Variants in CAMTA2 observed in about 807,000 individuals in gnomAD.
CAMTA2 encodes the protein calmodulin binding transcription activator 2.
CAMTA2 carries 56 observed loss-of-function variants against 135.7 expected under a neutral mutation model. That is an observed-to-expected ratio of 0.41 (90% CI 0.33 to 0.52). The LOEUF is 0.52. CAMTA2 is among the 20% of genes least tolerant of loss of function. The pLI is 0.16. For synonymous variants in CAMTA2, 591 were observed against 604.6 expected, an observed-to-expected ratio of 0.98 and a Z score of 0.33; for missense variants, 1,358 against 1,553.4, an observed-to-expected ratio of 0.87 and a Z score of 2.11.
At position 4,972,442 on chromosome 17, in the gene CAMTA2, AGG is replaced by A. The variant is rs745547658; in HGVS notation, c.2596_2597del (p.Pro866CysfsTer7). 2 of 1,611,406 alleles carry A rather than the reference AGG, an allele frequency of 1.2e-6. No homozygotes were observed. The highest frequency in any genetic ancestry group is 1.3e-5 in the African/African-American group (1 of 74,722). Reference protein sequence around the residue: ...YSSAPDGSPPPAPLPASEMTM... With the variant: ...YSSAPDGSPPXAPLPASEMTM... ...TCATCTCAGAGGCTGGCAGAGGTGC[AGG>A]GGGGGGACTGCCATCTGGGGCACTA... is the stretch of plus-strand genomic sequence containing the variant. On this transcript the variant is annotated frameshift_variant, in exon 16 of 23. Coordinates refer to ENST00000348066, the MANE Select transcript of CAMTA2 (RefSeq NM_015099.4). LOFTEE classifies it high-confidence loss of function.
intron 3 of CAMTA2, 119 bp from the exon 4 acceptor site, chr17:4,983,162 TTCTAGGTA>T (rs2143028406): frequency 1.2e-6 from 1 of 848,274 alleles, no homozygotes; most frequent in African/African-American, 1.7e-5. Flanking sequence ...TGGAGGATGC[TTCTAGGTA>T]TCTGGACCCA....
rs780826034 is a variant in CAMTA2, at chr17:4,969,782, C to G, written c.3190-81G>C. The stretch of plus-strand genomic sequence containing the variant: ...GTCCCTTCAACTTTCCTGGGGTTCC[C>G]CTGACCCTTTACCCCATCCAAGGCC... On this transcript the variant is annotated intron_variant, in intron 18 of 22. Coordinates refer to ENST00000348066, the MANE Select transcript of CAMTA2 (RefSeq NM_015099.4). This position sits in a 1 kb window ranked among gnomAD's most constrained non-coding sequence, Gnocchi z 5.6. 1.3e-6 allele frequency: 2 copies of G among 1,597,844 alleles called. No individual in the cohort carries two copies. The highest frequency in any genetic ancestry group is 1.7e-6 in the Non-Finnish European group (2 of 1,166,804).
At chr17:4,987,159 C>T (rs1973397350) in intron 1 of CAMTA2, 2 of 1,345,494 alleles carry the variant, frequency 1.5e-6, no homozygotes, top group Admixed American at 7.7e-5. Context: ...GGCTAGGCAG[C>T]CTGCCAGGGT....
chr17:4,985,182 G>A (rs572967250), intron 3 of CAMTA2, among the ~76,000 whole-genome samples: 21 of 151,882 alleles, frequency 1.4e-4, no homozygotes, highest in African/African-American at 2.2e-4. Flanking sequence ...GCGAGACTCC[G>A]TCTCAAAAAA....
intron 12 of CAMTA2, chr17:4,974,071 C>T: frequency 3.8e-6 from 2 of 531,946 alleles, no homozygotes; most frequent in Non-Finnish European, 3.4e-6. Flanking sequence ...GAGCCTTAGC[C>T]CTCTTCTTTC....
intron 12 of CAMTA2, chr17:4,974,051 A>G (rs961059494): frequency 1.5e-5 from 8 of 536,548 alleles, no homozygotes; most frequent in Admixed American, 6.9e-5. Flanking sequence ...CAGAAGCCAG[A>G]GCCTTCTCTG....
At chr17:4,970,868 A>G (rs1034376537) in intron 16 of CAMTA2, among the ~76,000 whole-genome samples, 1 of 152,168 alleles carries the variant, frequency 6.6e-6, no homozygotes, top group Non-Finnish European at 1.5e-5. Context: ...CATGCTCCCC[A>G]TAGGCTTGGC....
intron 16 of CAMTA2, 32 bp downstream of exon 16, chr17:4,972,200 A>G: frequency 6.4e-7 from 1 of 1,574,262 alleles, no homozygotes; most frequent in Non-Finnish European, 8.7e-7. Flanking sequence ...CTCCACTTCT[A>G]GCCCCCATAA....
chr17:4,973,693 T>A lies in CAMTA2; in HGVS notation c.2093A>T (p.Lys698Met). 1 of 1,614,226 alleles carries A rather than the reference T, an allele frequency of 6.2e-7. No individual in the cohort carries two copies. The highest frequency in any genetic ancestry group is 8.5e-7 in the Non-Finnish European group (1 of 1,180,034). Residue 698 changes from lysine to methionine, a missense_variant, in exon 13 of 23, where the codon AAG (lysine) becomes ATG (methionine). By Grantham distance (95) the Lys-to-Met change is moderately conservative (BLOSUM62 -1). This residue lies in a region of CAMTA2 where 1,077 missense variants were observed against 1,127.5 expected (regional missense o/e 0.96). Transcript: ENST00000348066. Reference sequence around the variant, plus strand: ...TCCATGGGCCAGACGTTCAGGACCCTTCCAGGTGGAGCGTGGGATCATGCT... The same window carrying A: ...TCCATGGGCCAGACGTTCAGGACCCATCCAGGTGGAGCGTGGGATCATGCT... ...VESMIPRSTW[K>M]GPERLAHGSP...
rs1972016622 is a variant in CAMTA2, at chr17:4,968,008, T to A, written c.*748A>T. 1 of 583,548 alleles carries A rather than the reference T, an allele frequency of 1.7e-6. No individual in the cohort carries two copies. The highest frequency in any genetic ancestry group is 3.1e-6 in the Non-Finnish European group (1 of 326,698). 36.1% of individuals were successfully genotyped at this position (583,548 alleles called of 1,614,324 possible). A position where few individuals can be genotyped will look rare whatever the true frequency, so the allele number is the denominator to read the frequency against. ...GGCCGGAGGCTGGCTGGTGCAGCGA[T>A]GTTTAATGGCAATTCGTATAAACCA... On this transcript the variant is annotated 3_prime_UTR_variant, in exon 23 of 23. Coordinates refer to ENST00000348066, the MANE Select transcript of CAMTA2 (RefSeq NM_015099.4).
At chr17:4,970,287 C>T (rs1014383393) in intron 17 of CAMTA2, 53 bp downstream of exon 17, 3 of 1,592,106 alleles carry the variant, frequency 1.9e-6, no homozygotes, top group Admixed American at 3.3e-5. Flanking sequence ...AGCTTTCTCC[C>T]TTCCTCCCAT....
At position 4,980,097 on chromosome 17, in the gene CAMTA2, G is replaced by C; in HGVS notation, c.1225C>G (p.Pro409Ala). ...DFPEAEAAHT[P>A]CSALEPAAAL... ...GCAGCAGGCTCTAGGGCAGAACAGG[G>C]GGTATGAGCGGCCTCTGCCTCGGGG... is the stretch of plus-strand genomic sequence containing the variant. Residue 409 changes from proline to alanine, a missense_variant, in exon 9 of 23, where the codon CCC (proline) becomes GCC (alanine). Physicochemically the swap from Pro to Ala is conservative, Grantham distance 27 (BLOSUM62 -1). Transcript: ENST00000348066. This position sits in a 1 kb window ranked among gnomAD's most constrained non-coding sequence, Gnocchi z 5.3. 2 of 1,611,964 alleles carry C rather than the reference G, an allele frequency of 1.2e-6. No homozygotes were observed. The highest frequency in any genetic ancestry group is 1.7e-6 in the Non-Finnish European group (2 of 1,178,642).
In CAMTA2 at chr17:4,980,500, T is replaced by C. The variant is rs201322261; in HGVS notation, c.822A>G (p.Pro274=). The change falls in exon 9 of 23, where the codon CCA becomes CCG. Residue 274 remains proline (P), a synonymous_variant. Coordinates refer to ENST00000348066, the MANE Select transcript of CAMTA2 (RefSeq NM_015099.4). This position sits in a 1 kb window ranked among gnomAD's most constrained non-coding sequence, Gnocchi z 5.3. The part of the protein sequence containing the change: ...IPHAHPPEPP[P]LIAPLPPELP... ...GCTCTGGGGGAAGTGGGGCTATCAG[T>C]GGAGGAGGCTCTGGGGGGTGAGCGT... The C allele has an allele frequency of 3.1e-4, 432 of 1,386,554 alleles. 6 individuals are homozygous for C. The Admixed American group carries it at 9.5e-3, about 30-fold the overall frequency. 85.9% of individuals were successfully genotyped at this position (1,386,554 alleles called of 1,614,324 possible). A position where few individuals can be genotyped will look rare whatever the true frequency, so the allele number is the denominator to read the frequency against.
Position 4,972,339 on chromosome 17 carries a change from T to C in CAMTA2, c.2701A>G (p.Thr901Ala). Residue 901 changes from threonine to alanine, a missense_variant, in exon 16 of 23, where the codon ACC becomes GCC. Thr to Ala is a moderately conservative substitution (Grantham distance 58). Around this residue, in one of 4 missense-constraint regions of CAMTA2, gnomAD observed 1,077 missense variants for 1,127.5 expected, o/e 0.96. Transcript: ENST00000348066. ...GAGGAGAGGGGCCCCTTGGAGTTGG[T>C]AGCCTCATAGTCCATGAGGAGTAGG... ...APLLLMDYEA[T>A]NSKGPLSSLP... 1.9e-6 allele frequency: 3 copies of C among 1,613,440 alleles called. No homozygotes were observed. The highest frequency in any genetic ancestry group is 2.5e-6 in the Non-Finnish European group (3 of 1,179,584).
At position 4,969,302 on chromosome 17, in the gene CAMTA2, G is replaced by A; in HGVS notation, c.3318C>T (p.Ile1106=). Reference sequence around the variant, plus strand: ...AGCTTCGGAACTTGCTCTGGATCAGGATGGCCGCCTGGGTCATCTTCTTAT... The same window carrying A: ...AGCTTCGGAACTTGCTCTGGATCAGAATGGCCGCCTGGGTCATCTTCTTAT... ...ALYKKMTQAA[I]LIQSKFRSYY... Residue 1106 remains isoleucine (I), a synonymous_variant, in exon 21 of 23, where the codon ATC becomes ATT. Transcript: ENST00000348066. The surrounding 1 kb of genome is among the most constrained non-coding windows in gnomAD (Gnocchi z 5.6). The A allele has an allele frequency of 6.2e-7, 1 of 1,614,102 alleles. No individual in the cohort carries two copies. Among genetic ancestry groups the A allele is most frequent in the East Asian group, 2.2e-5 (1 of 44,868 alleles).
intron 16 of CAMTA2, among the ~76,000 whole-genome samples, chr17:4,971,950 A>G (rs1375404678): frequency 6.6e-6 from 1 of 152,026 alleles, no homozygotes; most frequent in African/African-American, 2.4e-5. Flanking sequence ...TGGCCACCCA[A>G]AGTGCTGGGA....
At chr17:4,974,251 G>A (rs569635466) in intron 12 of CAMTA2, 134 bp downstream of exon 12, 8 of 652,828 alleles carry the variant, frequency 1.2e-5, no homozygotes, top group Admixed American at 2.4e-5. Context: ...ACAGGGTGAC[G>A]TCAGGGAGAG....
At chr17:4,982,047 G>T in intron 6 of CAMTA2, 42 bp downstream of exon 6, 2 of 1,475,018 alleles carry the variant, frequency 1.4e-6, no homozygotes, top group Non-Finnish European at 1.9e-6. Context: ...GTCCCTCAAA[G>T]AGTCAGGAAG....
chr17:4,979,030 C>T (rs1276738281), intron 9 of CAMTA2, among the ~76,000 whole-genome samples: 3 of 152,204 alleles, frequency 2.0e-5, no homozygotes, highest in Middle Eastern at 3.2e-3. Context: ...GCAATCACAT[C>T]CCTGATGTTT....
Sources: allele counts gnomAD v4.1 joint callset (sites outside exome capture counted in the v4.1 genomes callset), GRCh38; gene constraint gnomAD v4.1.1; regional missense constraint gnomAD v4.1.1; non-coding constraint Gnocchi (gnomAD v3.1); transcripts MANE v1.5; gene names NCBI Gene and HGNC (gene_info 2026-07-23, HGNC 2026-07-21).